The following ACO2 variants were observed in gnomAD, a reference collection of about 807,000 sequenced individuals.
The protein encoded by ACO2 is aconitate hydratase, mitochondrial.
ACO2 carries 31 observed loss-of-function variants against 84.5 expected under a neutral mutation model. The ratio of observed to expected loss-of-function variants is 0.37; its 90% CI spans 0.28 to 0.50. The LOEUF (loss-of-function observed/expected upper bound fraction) is 0.50, where lower values mean the gene tolerates loss of function less well. Ranked by LOEUF, ACO2 falls within the 20% of genes least tolerant of loss-of-function variation. The pLI, the probability that ACO2 is intolerant of heterozygous loss-of-function variation, is 0.97. For synonymous variants in ACO2, 414 were observed against 412.7 expected, an observed-to-expected ratio of 1.00 and a Z score of -0.04; for missense variants, 685 against 1,029.3, an observed-to-expected ratio of 0.67 and a Z score of 4.58.
chr22:41,493,179 A>G (rs2066286238), intron 1 of ACO2, among the ~76,000 whole-genome samples: 1 of 152,174 alleles, frequency 6.6e-6, no homozygotes, highest in Admixed American at 6.5e-5. Flanking sequence ...TCATGAGGGT[A>G]GCGCCCTTCT....
intron 1 of ACO2, among the ~76,000 whole-genome samples, chr22:41,472,446 C>T (rs2037957691): frequency 6.6e-6 from 1 of 151,976 alleles, no homozygotes; most frequent in African/African-American, 2.4e-5. Context: ...AGCCTGAGGG[C>T]TTAGCAACTG....
intron 1 of ACO2, among the ~76,000 whole-genome samples, chr22:41,498,313 T>TA (rs545341748): frequency 1.1e-3 from 168 of 147,736 alleles, no homozygotes; most frequent in Middle Eastern, 3.5e-3. Context: ...CACTATCTCT[T>TA]AAAAAAAAAA....
intron 8 of ACO2, 151 bp downstream of exon 8, chr22:41,518,723 C>G (rs984017651): frequency 2.3e-5 from 14 of 614,618 alleles, no homozygotes; most frequent in Non-Finnish European, 3.5e-5. Context: ...CAGTTGAGGT[C>G]AGCAGTTCAA....
Position 41,507,885 on chromosome 22 carries a change from C to T in ACO2, c.268C>T (p.Arg90Trp), listed in dbSNP as rs539524933. 8.1e-6 allele frequency: 13 copies of T among 1,614,222 alleles called. No individual in the cohort carries two copies. Among genetic ancestry groups the T allele is most frequent in the African/African-American group, 1.3e-5 (1 of 75,088 alleles). The change falls in exon 3 of 18, where the codon CGG (arginine) becomes TGG (tryptophan). Residue 90 changes from arginine (R) to tryptophan (W), a missense_variant. By Grantham distance (101) the Arg-to-Trp change is moderately radical. Around this residue, in one of 5 missense-constraint regions of ACO2, gnomAD observed 92 missense variants for 203.7 expected, o/e 0.45. Coordinates refer to ENST00000216254, the MANE Select transcript of ACO2 (RefSeq NM_001098.3). ...QEIERGKSYL[R>W]LRPDRVAMQD... is the part of the protein sequence containing the mutation. ...AATTGAGCGAGGCAAGTCGTACCTG[C>T]GGCTGCGGCCGGACCGTGTGGCCAT...
At chr22:41,524,702 C>T (rs2146138632) in intron 12 of ACO2, 144 bp from the exon 13 acceptor site, 2 of 1,322,596 alleles carry the variant, frequency 1.5e-6, no homozygotes, top group East Asian at 2.3e-5. Context: ...TCCTGCAGCT[C>T]TGGCCTCTGA....
At chr22:41,506,346 G>A (rs186926155) in intron 2 of ACO2, among the ~76,000 whole-genome samples, 3 of 151,852 alleles carry the variant, frequency 2.0e-5, no homozygotes, top group East Asian at 3.9e-4. Flanking sequence ...TCCGCCTCCC[G>A]GGTTCACGCC....
At chr22:41,479,673 G>A (rs571399415) in intron 1 of ACO2, among the ~76,000 whole-genome samples, 1 of 152,230 alleles carries the variant, frequency 6.6e-6, no homozygotes, top group Non-Finnish European at 1.5e-5. Flanking sequence ...TGGGGGAGAG[G>A]CTAGAGGGGT....
At chr22:41,475,806 G>A (rs1693675299) in intron 1 of ACO2, among the ~76,000 whole-genome samples, 1 of 151,580 alleles carries the variant, frequency 6.6e-6, no homozygotes, top group African/African-American at 2.4e-5. Flanking sequence ...GCTGAGGCAG[G>A]AGAATCAGCT....
intron 3 of ACO2, 108 bp from the exon 4 acceptor site, chr22:41,511,768 C>T: frequency 1.4e-6 from 1 of 718,418 alleles, no homozygotes; most frequent in South Asian, 1.9e-5. Flanking sequence ...TCTCCAGTGC[C>T]AGTATTTCAG....
intron 1 of ACO2, among the ~76,000 whole-genome samples, chr22:41,486,794 C>G (rs1021520706): frequency 6.6e-6 from 1 of 152,128 alleles, no homozygotes; most frequent in African/African-American, 2.4e-5. Flanking sequence ...TCTACACCTT[C>G]AAGGTCCCTC....
chr22:41,517,121 ATCTC>A (rs1282793266), intron 6 of ACO2, among the ~76,000 whole-genome samples: 1 of 152,060 alleles, frequency 6.6e-6, no homozygotes, highest in Non-Finnish European at 1.5e-5. Context: ...ATGACCTTGA[ATCTC>A]TCTGAGCCAG....
chr22:41,477,139 T>C (rs1169317758), intron 1 of ACO2, among the ~76,000 whole-genome samples: 2 of 147,188 alleles, frequency 1.4e-5, no homozygotes, highest in African/African-American at 5.0e-5. Context: ...ATTATTTATT[T>C]ATTTATTTAT....
chr22:41,477,129 A>ATTATTTATTTAT (rs141758153), intron 1 of ACO2, among the ~76,000 whole-genome samples: 1 of 145,808 alleles, frequency 6.9e-6, no homozygotes, highest in East Asian at 2.0e-4. Context: ...TGGTTTCCAT[A>ATTATTTATTTAT]TTATTTATTT....
chr22:41,469,212 C>T (rs1435192852), intron 1 of ACO2, 30 bp downstream of exon 1: 2 of 1,601,570 alleles, frequency 1.2e-6, no homozygotes, highest in South Asian at 1.1e-5. Flanking sequence ...TCTGGGTTCA[C>T]GGGGGCGGGG....
intron 2 of ACO2, among the ~76,000 whole-genome samples, chr22:41,505,611 A>G (rs1442233103): frequency 2.0e-5 from 3 of 152,046 alleles, no homozygotes; most frequent in Admixed American, 1.3e-4. Flanking sequence ...GAGCAAAGCT[A>G]CTCTGTCCCT....
At position 41,511,914 on chromosome 22, in the gene ACO2, A is replaced by G. The variant is rs749613684; in HGVS notation, c.471A>G (p.Ala157=). 1.2e-6 allele frequency: 2 copies of G among 1,611,340 alleles called. No individual in the cohort carries two copies. Among genetic ancestry groups the G allele is most frequent in the Non-Finnish European group, 1.7e-6 (2 of 1,179,030 alleles). Residue 157 remains alanine, a synonymous_variant, in exon 4 of 18, where the codon GCA becomes GCG. Coordinates refer to ENST00000216254, the MANE Select transcript of ACO2 (RefSeq NM_001098.3). ...NQEVYNFLAT[A]GAKYGVGFWK... ...AAGTTTATAATTTCCTGGCAACTGCAGGTGCCAAATATGGCGTGGGCTTCT... is the reference window on the plus strand; with the variant it reads ...AAGTTTATAATTTCCTGGCAACTGCGGGTGCCAAATATGGCGTGGGCTTCT...
intron 1 of ACO2, among the ~76,000 whole-genome samples, chr22:41,483,018 G>C (rs1246958451): frequency 1.3e-5 from 2 of 152,202 alleles, no homozygotes; most frequent in Admixed American, 1.3e-4. Flanking sequence ...GAACCAGGGG[G>C]CTTATGGGAG....
chr22:41,478,289 C>T (rs2038044381), intron 1 of ACO2, among the ~76,000 whole-genome samples: 1 of 152,018 alleles, frequency 6.6e-6, no homozygotes, highest in Non-Finnish European at 1.5e-5. Context: ...AGGCACGCAC[C>T]ACCATGCCCA....
At chr22:41,471,147 G>A (rs2037941823) in intron 1 of ACO2, among the ~76,000 whole-genome samples, 1 of 152,174 alleles carries the variant, frequency 6.6e-6, no homozygotes, top group Non-Finnish European at 1.5e-5. Context: ...TATTCAGCAA[G>A]TGGATGTTAG....
Sources: gnomAD v4.1 joint callset for allele counts (sites outside exome capture counted in the v4.1 genomes callset) on GRCh38, gnomAD v4.1.1 for gene constraint, gnomAD v4.1.1 regional missense constraint, MANE v1.5 for transcripts, NCBI Gene and HGNC (gene_info 2026-07-23, HGNC 2026-07-21) for gene names.